Variants in MPDZ observed in about 807,000 individuals in gnomAD.
MPDZ encodes the protein multiple PDZ domain crumbs cell polarity complex component, also known as multiple PDZ domain protein.
Under a neutral mutation model 239.1 loss-of-function variants are expected in MPDZ, and 234 were observed. That is an observed-to-expected ratio of 0.98 (90% CI 0.88 to 1.09). The LOEUF is 1.09. MPDZ is among the 50% of genes least tolerant of loss of function. The pLI is 0.00. For synonymous variants in MPDZ, 1,048 were observed against 881.3 expected (o/e 1.19, Z -3.35); for missense variants, 3,175 against 2,510.0 (o/e 1.26, Z -5.66).
At chr9:13,179,405 C>T (rs556133021) in intron 19 of MPDZ, among the ~76,000 whole-genome samples, 1 of 152,244 alleles carries the variant, frequency 6.6e-6, no homozygotes, top group African/African-American at 2.4e-5. Flanking sequence ...TCAAGTCGCC[C>T]TTGTTAGCTG....
chr9:13,192,286 T>G lies in MPDZ; in HGVS notation c.1813A>C (p.Ile605Leu), dbSNP rs200101388. Residue 605 changes from isoleucine (I) to leucine (L), a missense_variant, in exon 15 of 47, where the codon ATA becomes CTA. By Grantham distance (5) the Ile-to-Leu change is conservative. Coordinates refer to ENST00000319217, the MANE Select transcript of MPDZ (RefSeq NM_001378778.1). ...SGDELLEVNG[I>L]TLLGENHQDV... ...TGGTGATTTTCCCCAAGTAAAGTTA[T>G]GCCATTTACCTGTGAAAAAAGATAC... The G allele has an allele frequency of 1.3e-6, 2 of 1,596,574 alleles. No individual in the cohort carries two copies. The highest frequency in any genetic ancestry group is 1.7e-6 in the Non-Finnish European group (2 of 1,170,222).
intron 10 of MPDZ, among the ~76,000 whole-genome samples, chr9:13,213,924 T>A (rs1441894781): frequency 6.6e-6 from 1 of 152,050 alleles, no homozygotes; most frequent in Admixed American, 6.6e-5. Context: ...TCAGATATTG[T>A]CAATAAAATA....
At chr9:13,215,269 G>C (rs1360817522) in intron 10 of MPDZ, among the ~76,000 whole-genome samples, 1 of 151,660 alleles carries the variant, frequency 6.6e-6, no homozygotes, top group East Asian at 1.9e-4. Flanking sequence ...AGGTTTTTCA[G>C]TGCTGAAGCA....
At chr9:13,147,879 A>C (rs1587247030) in intron 25 of MPDZ, among the ~76,000 whole-genome samples, 1 of 152,048 alleles carries the variant, frequency 6.6e-6, no homozygotes, top group Non-Finnish European at 1.5e-5. Context: ...TAATCAGTTC[A>C]AGACATAATC....
At chr9:13,167,410 A>C (rs1951204475) in intron 22 of MPDZ, among the ~76,000 whole-genome samples, 1 of 152,092 alleles carries the variant, frequency 6.6e-6, no homozygotes, top group African/African-American at 2.4e-5. Context: ...ATCTGCTCCA[A>C]ATGGTATATA....
At chr9:13,112,912 G>A (rs772005880) in intron 42 of MPDZ, 99 bp downstream of exon 42, 11 of 1,151,460 alleles carry the variant, frequency 9.6e-6, no homozygotes, top group Admixed American at 2.2e-5. Flanking sequence ...TACTTTTTGA[G>A]ATGAATACTT....
intron 22 of MPDZ, among the ~76,000 whole-genome samples, chr9:13,164,101 G>A (rs978288228): frequency 3.3e-5 from 5 of 152,150 alleles, no homozygotes; most frequent in Non-Finnish European, 7.4e-5. Flanking sequence ...CAGGTCATCA[G>A]CTCTCCTGGT....
At chr9:13,264,611 T>C (rs747915434) in intron 1 of MPDZ, among the ~76,000 whole-genome samples, 3 of 151,360 alleles carry the variant, frequency 2.0e-5, no homozygotes, top group Non-Finnish European at 4.4e-5. Context: ...TTATAGCCCA[T>C]TGCATTATAT....
Position 13,140,008 on chromosome 9 carries a change from C to T in MPDZ, c.3982G>A (p.Asp1328Asn), listed in dbSNP as rs1317263052. Reference sequence around the variant, plus strand: ...TTACTCCAGCTGTAACCAAACTCATCCTCTTTGTCCACATCTTGTGAGATT... The same window carrying T: ...TTACTCCAGCTGTAACCAAACTCATTCTCTTTGTCCACATCTTGTGAGATT... ...SKISQDVDKE[D>N]EFGYSWKNIR... The change falls in exon 28 of 47, where the codon GAT becomes AAT. Residue 1328 changes from aspartate to asparagine, a missense_variant. Asp to Asn is a conservative substitution (Grantham distance 23, BLOSUM62 1). Coordinates refer to ENST00000319217, the MANE Select transcript of MPDZ (RefSeq NM_001378778.1). The T allele has an allele frequency of 6.2e-7, 1 of 1,613,518 alleles. No individual in the cohort carries two copies. The highest frequency in any genetic ancestry group is 1.7e-4 in the Middle Eastern group (1 of 6,056).
rs148158105 is a variant in MPDZ, at chr9:13,170,037, T to C, written c.3056-1473A>G. Reference sequence around the variant, plus strand: ...AATATAAAATCTTATAAATTATATTTGAAACTTTGCAAAAATAATGTAAGT... The same window carrying C: ...AATATAAAATCTTATAAATTATATTCGAAACTTTGCAAAAATAATGTAAGT... On this transcript the variant is annotated intron_variant, in intron 21 of 46. Coordinates refer to ENST00000319217, the MANE Select transcript of MPDZ (RefSeq NM_001378778.1). Among the ~76,000 whole-genome samples the C allele has an allele frequency of 4.3e-3, 662 of 152,306 alleles. 8 individuals are homozygous for C. Among genetic ancestry groups the C allele is most frequent in the African/African-American group, 0.015 (612 of 41,578 alleles).
intron 25 of MPDZ, among the ~76,000 whole-genome samples, chr9:13,149,398 A>G (rs1240411684): frequency 2.6e-5 from 4 of 152,072 alleles, no homozygotes; most frequent in African/African-American, 9.7e-5. Context: ...TCACTTGTAT[A>G]AAGTAAATAT....
intron 3 of MPDZ, among the ~76,000 whole-genome samples, chr9:13,241,878 G>C (rs1287580253): frequency 2.0e-5 from 3 of 152,142 alleles, no homozygotes; most frequent in African/African-American, 4.8e-5. Flanking sequence ...TCCTGGTATA[G>C]TGTGTGTTCC....
chr9:13,154,858 GATC>G (rs1435494886), intron 24 of MPDZ, among the ~76,000 whole-genome samples: 2 of 152,056 alleles, frequency 1.3e-5, no homozygotes, highest in Non-Finnish European at 2.9e-5. Flanking sequence ...TTTAAAAAAT[GATC>G]ATATGATGTG....
chr9:13,237,604 A>T (rs1252636846), intron 3 of MPDZ, among the ~76,000 whole-genome samples: 2 of 152,110 alleles, frequency 1.3e-5, no homozygotes, highest in Admixed American at 1.3e-4. Flanking sequence ...ATTACTGAAA[A>T]TCAAACTATG....
At chr9:13,157,304 G>A (rs1279709927) in intron 24 of MPDZ, among the ~76,000 whole-genome samples, 1 of 152,066 alleles carries the variant, frequency 6.6e-6, no homozygotes, top group African/African-American at 2.4e-5. Context: ...TTCTTAAATT[G>A]TTTCATGTGT....
intron 31 of MPDZ, 177 bp downstream of exon 31, chr9:13,135,915 T>C (rs2132240433): frequency 2.0e-6 from 1 of 503,922 alleles, no homozygotes; most frequent in South Asian, 3.5e-5. Flanking sequence ...TTCACATAAG[T>C]GGTATGCTTA....
intron 13 of MPDZ, among the ~76,000 whole-genome samples, chr9:13,195,237 A>G (rs1400347780): frequency 1.3e-5 from 2 of 152,114 alleles, no homozygotes; most frequent in African/African-American, 4.8e-5. Context: ...GCAGTGAGCC[A>G]TGACTGCACC....
At chr9:13,129,017 G>A (rs922323708) in intron 32 of MPDZ, among the ~76,000 whole-genome samples, 2 of 152,084 alleles carry the variant, frequency 1.3e-5, no homozygotes, top group African/African-American at 4.8e-5. Flanking sequence ...GAAACCTGAT[G>A]GAATTAGTTC....
At chr9:13,247,061 T>C (rs1291212889) in intron 3 of MPDZ, among the ~76,000 whole-genome samples, 1 of 152,210 alleles carries the variant, frequency 6.6e-6, no homozygotes, top group Non-Finnish European at 1.5e-5. Context: ...AGCACTGTGT[T>C]ACATTTAGAA....
Sources: gnomAD v4.1 joint callset for allele counts (sites outside exome capture counted in the v4.1 genomes callset) on GRCh38, gnomAD v4.1.1 for gene constraint, MANE v1.5 for transcripts, NCBI Gene and HGNC (gene_info 2026-07-23, HGNC 2026-07-21) for gene names.